The following CMSS1 variants were observed in gnomAD, a reference collection of about 807,000 sequenced individuals.
CMSS1 encodes protein CMSS1.
In CMSS1, 33 loss-of-function variants were observed where a neutral mutation model predicts 43.5. That is an observed-to-expected ratio of 0.76 (90% CI 0.57 to 1.01). The LOEUF is 1.01. CMSS1 is among the 50% of genes least tolerant of loss of function. CMSS1 has a pLI of 0.00. For missense variants in CMSS1, 313 were observed against 326.4 expected (o/e 0.96, Z 0.32); for synonymous variants, 115 against 117.2 (o/e 0.98, Z 0.12).
intron 1 of CMSS1, among the ~76,000 whole-genome samples, chr3:99,988,511 CAAAA>C (rs757175318): frequency 6.3e-5 from 3 of 47,894 alleles, no homozygotes; most frequent in South Asian, 8.2e-4. Context: ...GACTCCATCT[CAAAA>C]AAAAAAAAAA....
intron 1 of CMSS1, chr3:100,040,373 CG>C (rs1389156825): frequency 1.3e-5 from 2 of 152,046 alleles, no homozygotes; most frequent in Non-Finnish European, 2.9e-5. Context: ...GTTCTCTCCC[CG>C]AGAATCATTT....
intron 1 of CMSS1, among the ~76,000 whole-genome samples, chr3:100,005,558 C>A (rs552731437): frequency 6.6e-6 from 1 of 152,250 alleles, no homozygotes; most frequent in African/African-American, 2.4e-5. Context: ...GTGTAATAAA[C>A]CAAATTTTAC....
chr3:100,035,777 C>T (rs916951853), intron 1 of CMSS1, among the ~76,000 whole-genome samples: 2 of 152,150 alleles, frequency 1.3e-5, no homozygotes, highest in African/African-American at 4.8e-5. Flanking sequence ...AAAGAATCCC[C>T]ATGTGCTCAT....
intron 1 of CMSS1, among the ~76,000 whole-genome samples, chr3:100,079,734 A>G (rs2065902773): frequency 6.6e-6 from 1 of 152,194 alleles, no homozygotes; most frequent in Non-Finnish European, 1.5e-5. Flanking sequence ...TTTAGAACAA[A>G]AATTAATCCC....
intron 1 of CMSS1, among the ~76,000 whole-genome samples, chr3:100,054,492 G>T (rs776766607): frequency 3.0e-5 from 1 of 33,684 alleles, no homozygotes; most frequent in African/African-American, 1.3e-4. Flanking sequence ...GTTATGTTTT[G>T]TTATGTTATG....
At chr3:100,097,004 A>G in intron 1 of CMSS1, among the ~76,000 whole-genome samples, 1 of 152,206 alleles carries the variant, frequency 6.6e-6, no homozygotes, top group Non-Finnish European at 1.5e-5. Flanking sequence ...GCCACAGATC[A>G]TACCACTCTG....
At chr3:99,879,584 A>C (rs1186199527) in intron 1 of CMSS1, among the ~76,000 whole-genome samples, 1 of 152,154 alleles carries the variant, frequency 6.6e-6, no homozygotes, top group Non-Finnish European at 1.5e-5. Context: ...AAGTATAGTA[A>C]GTGCCAAAGA....
intron 1 of CMSS1, among the ~76,000 whole-genome samples, chr3:100,073,517 A>G (rs1314143650): frequency 1.3e-5 from 2 of 152,182 alleles, no homozygotes; most frequent in African/African-American, 4.8e-5. Context: ...GAAAACAGAA[A>G]TCTTGAGGTT....
At chr3:100,048,138 G>A (rs1055072076) in intron 1 of CMSS1, among the ~76,000 whole-genome samples, 3 of 152,206 alleles carry the variant, frequency 2.0e-5, no homozygotes, top group East Asian at 1.9e-4. Flanking sequence ...TTCTGGCCCT[G>A]TTTGCCCCAC....
intron 1 of CMSS1, among the ~76,000 whole-genome samples, chr3:100,099,498 C>A (rs2066267354): frequency 6.6e-6 from 1 of 152,096 alleles, no homozygotes; most frequent in Non-Finnish European, 1.5e-5. Context: ...CCCTGCCAGC[C>A]TCTAGGTGAT....
chr3:99,849,911 TC>T (rs1943577600), intron 1 of CMSS1: 1 of 1,611,976 alleles, frequency 6.2e-7, no homozygotes, highest in Admixed American at 1.7e-5. Context: ...AGCCTATTTT[TC>T]AACATATTAA....
chr3:100,059,315 G>A (rs905095480), intron 1 of CMSS1, among the ~76,000 whole-genome samples: 1 of 152,114 alleles, frequency 6.6e-6, no homozygotes, highest in Admixed American at 6.5e-5. Context: ...ATAATGGGAC[G>A]AGCCTTCCAT....
intron 1 of CMSS1, among the ~76,000 whole-genome samples, chr3:100,096,892 C>G (rs942011470): frequency 9.9e-5 from 15 of 152,048 alleles, no homozygotes; most frequent in African/African-American, 3.6e-4. Context: ...AATATATACA[C>G]CTACTATGTA....
intron 1 of CMSS1, among the ~76,000 whole-genome samples, chr3:99,879,954 C>T (rs922743679): frequency 2.6e-5 from 4 of 152,090 alleles, no homozygotes; most frequent in East Asian, 1.9e-4. Context: ...TATGAGCTTT[C>T]GGTGTTTATT....
At chr3:100,127,862 C>T (rs2066675480) in intron 1 of CMSS1, among the ~76,000 whole-genome samples, 2 of 152,172 alleles carry the variant, frequency 1.3e-5, no homozygotes, top group African/African-American at 4.8e-5. Flanking sequence ...TGATCCATTA[C>T]TGTCAGTCTA....
At chr3:99,929,863 A>G (rs1707420815) in intron 1 of CMSS1, 3 of 1,611,566 alleles carry the variant, frequency 1.9e-6, no homozygotes, top group Non-Finnish European at 2.5e-6. Context: ...TACCTCATTC[A>G]TTGGTTTCTC....
intron 1 of CMSS1, among the ~76,000 whole-genome samples, chr3:100,064,105 C>T (rs1576009524): frequency 6.6e-6 from 1 of 152,020 alleles, no homozygotes; most frequent in Non-Finnish European, 1.5e-5. Context: ...TTCAGAGAAC[C>T]CAGAAGAATG....
intron 1 of CMSS1, among the ~76,000 whole-genome samples, chr3:99,991,856 G>GTA (rs145416702): frequency 1.4e-5 from 2 of 147,926 alleles, no homozygotes; most frequent in Non-Finnish European, 3.0e-5. Context: ...GTGTGTGTGT[G>GTA]TATGTGTATA....
chr3:99,863,232 T>C (rs749636543), intron 1 of CMSS1, among the ~76,000 whole-genome samples: 1 of 152,172 alleles, frequency 6.6e-6, no homozygotes, highest in Non-Finnish European at 1.5e-5. Flanking sequence ...CAGTTCACAA[T>C]AGGGTTCACA....
Sources: allele counts gnomAD v4.1 joint callset (sites outside exome capture counted in the v4.1 genomes callset), GRCh38; gene constraint gnomAD v4.1.1; transcripts MANE v1.5; gene names NCBI Gene and HGNC (gene_info 2026-07-23, HGNC 2026-07-21).